ZNF385D: variants seen among roughly 807,000 people sequenced by gnomAD.
ZNF385D encodes zinc finger protein 385D.
A neutral mutation model predicts 35.8 loss-of-function variants in ZNF385D; 15 were observed. That is an observed-to-expected ratio of 0.42 (90% CI 0.28 to 0.64). ZNF385D has a LOEUF of 0.64. ZNF385D is among the 30% of genes least tolerant of loss of function. The pLI, the probability that ZNF385D is intolerant of heterozygous loss-of-function variation, is 0.23. For synonymous variants in ZNF385D, 212 were observed against 186.8 expected, an observed-to-expected ratio of 1.13 and a Z score of -1.10; for missense variants, 474 against 494.6, an observed-to-expected ratio of 0.96 and a Z score of 0.39.
intron 3 of ZNF385D, among the ~76,000 whole-genome samples, chr3:21,940,637 A>T (rs1437933908): frequency 6.6e-6 from 1 of 152,190 alleles, no homozygotes; most frequent in Non-Finnish European, 1.5e-5. Flanking sequence ...GATAGACAAC[A>T]ATCAGATTAT....
At position 21,515,665 on chromosome 3, in the gene ZNF385D, C is replaced by T. The variant is rs141653805; in HGVS notation, c.277-4642G>A. ...TGGCCCATCTTAGCTCATTCCTGGG[C>T]GTGGGCCAAGCTAACCATGGGAGAA... On this transcript the variant is annotated intron_variant, in intron 3 of 7. Transcript: ENST00000281523. Among the ~76,000 whole-genome samples, 409 of 152,260 alleles carry T rather than the reference C, an allele frequency of 2.7e-3. 2 individuals carry two copies. Among genetic ancestry groups the T allele is most frequent in the Admixed American group, 3.7e-3 (57 of 15,286 alleles).
At chr3:22,249,828 C>T (rs561267868) in intron 2 of ZNF385D, among the ~76,000 whole-genome samples, 79 of 152,194 alleles carry the variant, frequency 5.2e-4, no homozygotes, top group African/African-American at 1.2e-3. Context: ...CACTAGAGTC[C>T]ACCTGAAACA....
intron 3 of ZNF385D, among the ~76,000 whole-genome samples, chr3:22,162,327 TG>T (rs1321124189): frequency 1.3e-5 from 2 of 152,116 alleles, no homozygotes; most frequent in Admixed American, 1.3e-4. Flanking sequence ...TGTCTTTTTG[TG>T]GGAGGGTTTA....
chr3:21,994,688 A>G (rs1387367080), intron 3 of ZNF385D, among the ~76,000 whole-genome samples: 1 of 152,188 alleles, frequency 6.6e-6, no homozygotes, highest in African/African-American at 2.4e-5. Context: ...ACTGGCTTTT[A>G]CAGGGAAAGA....
chr3:22,320,000 AC>A (rs1321709646), intron 2 of ZNF385D, among the ~76,000 whole-genome samples: 3 of 151,878 alleles, frequency 2.0e-5, no homozygotes, highest in Admixed American at 6.6e-5. Context: ...GACAAGAGTG[AC>A]CCCTGCCTTG....
At chr3:22,267,480 AAC>A (rs1559488732) in intron 2 of ZNF385D, among the ~76,000 whole-genome samples, 1 of 151,864 alleles carries the variant, frequency 6.6e-6, no homozygotes, top group South Asian at 2.1e-4. Context: ...ATTATTTTGA[AAC>A]AGTTTGGGTA....
At chr3:21,963,798 G>C (rs554661551) in intron 3 of ZNF385D, among the ~76,000 whole-genome samples, 3 of 152,140 alleles carry the variant, frequency 2.0e-5, no homozygotes, top group South Asian at 4.1e-4. Context: ...GAATTCTAGA[G>C]ATATAAATTA....
At chr3:21,784,464 A>G (rs936200536) in intron 3 of ZNF385D, among the ~76,000 whole-genome samples, 2 of 152,092 alleles carry the variant, frequency 1.3e-5, no homozygotes, top group Non-Finnish European at 2.9e-5. Flanking sequence ...GCGATAAAGA[A>G]ATTCAAATAG....
At chr3:21,579,941 G>A (rs1386338056) in intron 2 of ZNF385D, 4 of 151,928 alleles carry the variant, frequency 2.6e-5, no homozygotes, top group Non-Finnish European at 1.5e-5. Flanking sequence ...GAGTACCTCT[G>A]TAAAGGCTCT....
At chr3:22,123,926 C>A (rs376603030) in intron 3 of ZNF385D, among the ~76,000 whole-genome samples, 72 of 50,722 alleles carry the variant, frequency 1.4e-3, no homozygotes, top group African/African-American at 4.4e-3. Context: ...GACTCCATCT[C>A]TCTCTCTCTC....
chr3:22,075,493 T>A (rs1028484003), intron 3 of ZNF385D, among the ~76,000 whole-genome samples: 1 of 151,854 alleles, frequency 6.6e-6, no homozygotes, highest in Admixed American at 6.6e-5. Context: ...CCTCTTCACT[T>A]TCCCACTCTC....
chr3:21,696,669 T>C (rs17554682), intron 1 of ZNF385D, among the ~76,000 whole-genome samples: 37,567 of 152,188 alleles, frequency 0.25, 5,777 homozygotes, highest in South Asian at 0.36. Context: ...CTTTAAAAAA[T>C]TGATCATTGT....
chr3:22,353,525 C>A (rs1696011726), intron 2 of ZNF385D, among the ~76,000 whole-genome samples: 2 of 152,164 alleles, frequency 1.3e-5, no homozygotes, highest in African/African-American at 4.8e-5. Flanking sequence ...GTGCCAGACC[C>A]TGCCATCACA....
intron 2 of ZNF385D, among the ~76,000 whole-genome samples, chr3:22,178,819 C>T (rs1315901052): frequency 6.6e-6 from 1 of 152,208 alleles, no homozygotes; most frequent in Non-Finnish European, 1.5e-5. Context: ...CCAGTTTTCC[C>T]AGCACCATTT....
chr3:21,625,863 G>C (rs1259672969), intron 2 of ZNF385D, among the ~76,000 whole-genome samples: 1 of 152,100 alleles, frequency 6.6e-6, no homozygotes, highest in Non-Finnish European at 1.5e-5. Context: ...CTATTAGTCA[G>C]TGCTGCCAAA....
At chr3:22,258,061 G>T (rs536119273) in intron 2 of ZNF385D, among the ~76,000 whole-genome samples, 1 of 151,860 alleles carries the variant, frequency 6.6e-6, no homozygotes, top group African/African-American at 2.4e-5. Flanking sequence ...GTTTCCTACA[G>T]AGGTACAATG....
chr3:21,975,130 G>T (rs930194442), intron 3 of ZNF385D, among the ~76,000 whole-genome samples: 1 of 152,148 alleles, frequency 6.6e-6, no homozygotes, highest in African/African-American at 2.4e-5. Flanking sequence ...ACAGTTTGTG[G>T]CAGCACTGCT....
At chr3:22,206,512 G>A (rs192311389) in intron 2 of ZNF385D, among the ~76,000 whole-genome samples, 1 of 152,022 alleles carries the variant, frequency 6.6e-6, no homozygotes, top group East Asian at 1.9e-4. Context: ...CTTAAGGATA[G>A]ACCATATGTT....
intron 3 of ZNF385D, among the ~76,000 whole-genome samples, chr3:22,058,925 C>A (rs1224097308): frequency 6.6e-6 from 1 of 152,188 alleles, no homozygotes; most frequent in Non-Finnish European, 1.5e-5. Context: ...ATCTTTTCCT[C>A]TTTACATGAT....
Sources: gnomAD v4.1 joint callset for allele counts (sites outside exome capture counted in the v4.1 genomes callset) on GRCh38, gnomAD v4.1.1 for gene constraint, MANE v1.5 for transcripts, NCBI Gene and HGNC (gene_info 2026-07-23, HGNC 2026-07-21) for gene names.